MSI2: variants seen among roughly 807,000 people sequenced by gnomAD.
The protein encoded by MSI2 is RNA-binding protein Musashi homolog 2.
In MSI2, 17 loss-of-function variants were observed where a neutral mutation model predicts 45.6. That is an observed-to-expected ratio of 0.37 (90% CI 0.26 to 0.56). MSI2 has a LOEUF of 0.56. Among genes scored for constraint, MSI2 ranks in the 20% least tolerant of loss-of-function variants. MSI2 has a pLI of 0.77. For missense variants in MSI2, 293 were observed against 444.2 expected (o/e 0.66, Z 3.06); for synonymous variants, 156 against 158.2 (o/e 0.99, Z 0.11).
At chr17:57,600,042 GC>G in intron 8 of MSI2, among the ~76,000 whole-genome samples, 1 of 152,218 alleles carries the variant, frequency 6.6e-6, no homozygotes, top group South Asian at 2.1e-4. Flanking sequence ...TGGTAGAGAA[GC>G]CTGCATCCTG....
chr17:57,342,334 G>A (rs933057306), intron 5 of MSI2, among the ~76,000 whole-genome samples: 7 of 152,210 alleles, frequency 4.6e-5, no homozygotes, highest in Non-Finnish European at 1.0e-4. Context: ...CTGGTTGAAC[G>A]CTCTGAGAGG....
At position 57,684,490 on chromosome 17, in the gene MSI2, G is replaced by T. The variant is rs1020899583; in HGVS notation, c.*4973G>T. ...AAGCATCTTTCAGGTCTTTGTGTGTGGCTTTCTTAAAGCCCTGTTGTAAAA... is the reference window on the plus strand; with the variant it reads ...AAGCATCTTTCAGGTCTTTGTGTGTTGCTTTCTTAAAGCCCTGTTGTAAAA... On this transcript the variant is annotated 3_prime_UTR_variant, in exon 14 of 14. Coordinates refer to ENST00000284073, the MANE Select transcript of MSI2 (RefSeq NM_138962.4). The T allele has an allele frequency of 2.3e-5, 4 of 173,092 alleles. No homozygotes were observed. Among genetic ancestry groups the T allele is most frequent in the Non-Finnish European group, 5.0e-5 (4 of 80,332 alleles). 10.7% of individuals were successfully genotyped at this position (173,092 alleles called of 1,614,324 possible).
chr17:57,651,828 T>C (rs1212494957), intron 10 of MSI2, among the ~76,000 whole-genome samples: 1 of 152,192 alleles, frequency 6.6e-6, no homozygotes, highest in East Asian at 1.9e-4. Flanking sequence ...AAAAAATTCC[T>C]CCTACAATTC....
At chr17:57,496,742 A>C (rs2085988138) in intron 6 of MSI2, among the ~76,000 whole-genome samples, 1 of 152,244 alleles carries the variant, frequency 6.6e-6, no homozygotes, top group African/African-American at 2.4e-5. Flanking sequence ...GGTGGGAACA[A>C]GACAGTTCAG....
chr17:57,677,101 T>C, intron 13 of MSI2, 42 bp downstream of exon 13: 1 of 1,372,334 alleles, frequency 7.3e-7, no homozygotes, highest in Non-Finnish European at 1.0e-6. Context: ...TGCCGGTGTG[T>C]CCGTACATGT....
intron 10 of MSI2, chr17:57,631,696 T>C: frequency 9.6e-7 from 1 of 1,047,032 alleles, no homozygotes; most frequent in Non-Finnish European, 1.4e-6. Context: ...TTATGGGTTG[T>C]GATCAGGGAT....
rs114942727 is a variant in MSI2 at position 57,336,235 on chromosome 17, G to C, written c.313-65144G>C. Among the ~76,000 whole-genome samples, 388 of 152,284 alleles carry C rather than the reference G, an allele frequency of 2.5e-3. 2 individuals are homozygous for C. The highest frequency in any genetic ancestry group is 8.8e-3 in the African/African-American group (365 of 41,554). ...GGGATCTGCTGAAGACTGGGATGTAGGAAGTTCTGGGAAAGGACTATTAAG... is the reference window on the plus strand; with the variant it reads ...GGGATCTGCTGAAGACTGGGATGTACGAAGTTCTGGGAAAGGACTATTAAG... On this transcript the variant is annotated intron_variant, in intron 5 of 13. Transcript: ENST00000284073.
intron 5 of MSI2, among the ~76,000 whole-genome samples, chr17:57,337,478 C>T (rs145124925): frequency 4.6e-4 from 70 of 152,242 alleles, no homozygotes; most frequent in African/African-American, 1.5e-3. Context: ...GCCTTCACGG[C>T]TGGGTGTCTC....
chr17:57,521,958 G>A (rs1156987404), intron 6 of MSI2, among the ~76,000 whole-genome samples: 1 of 152,202 alleles, frequency 6.6e-6, no homozygotes, highest in Non-Finnish European at 1.5e-5. Flanking sequence ...TTCAAGGCCA[G>A]AGCACACGGA....
Position 57,258,366 on chromosome 17 carries a change from T to TTTG in MSI2, c.270+24_270+26dup, listed in dbSNP as rs775394282. 6.2e-7 allele frequency: 1 copy of TTTG among 1,608,792 alleles called. No homozygotes were observed. Among genetic ancestry groups the TTTG allele is most frequent in the Admixed American group, 1.7e-5 (1 of 59,994 alleles). ...TAGATTCCAAGACGGTAGGTTGCTT[T>TTTG]TTGTTGTTGTTGTTCGCCCCTTTTC... is the stretch of plus-strand genomic sequence containing the variant. On this transcript the variant is annotated intron_variant, in intron 4 of 13. Coordinates refer to ENST00000284073, the MANE Select transcript of MSI2 (RefSeq NM_138962.4).
At chr17:57,604,586 C>G (rs1396154108) in intron 8 of MSI2, among the ~76,000 whole-genome samples, 2 of 152,172 alleles carry the variant, frequency 1.3e-5, no homozygotes, top group African/African-American at 4.8e-5. Context: ...TCCCACTCTT[C>G]ACCTGACTCA....
chr17:57,435,686 C>G (rs1162821294), intron 6 of MSI2, among the ~76,000 whole-genome samples: 1 of 151,900 alleles, frequency 6.6e-6, no homozygotes, highest in Admixed American at 6.5e-5. Flanking sequence ...CTAAAGAGAC[C>G]TCCCCAGCCA....
chr17:57,603,404 C>A (rs1906139475), intron 8 of MSI2, among the ~76,000 whole-genome samples: 1 of 152,240 alleles, frequency 6.6e-6, no homozygotes, highest in South Asian at 2.1e-4. Context: ...AGGTCCACCG[C>A]TGGTGATTCT....
chr17:57,592,433 C>T (rs1365251388), intron 7 of MSI2, among the ~76,000 whole-genome samples: 2 of 152,150 alleles, frequency 1.3e-5, no homozygotes, highest in African/African-American at 4.8e-5. Flanking sequence ...TAAGGAATAA[C>T]ACTTATTGAT....
At chr17:57,258,619 G>A (rs1907034418) in intron 4 of MSI2, among the ~76,000 whole-genome samples, 1 of 152,182 alleles carries the variant, frequency 6.6e-6, no homozygotes, top group African/African-American at 2.4e-5. Flanking sequence ...CTGCCTTCCC[G>A]GCCTGGGGAC....
At chr17:57,408,491 G>A (rs1484022475) in intron 6 of MSI2, among the ~76,000 whole-genome samples, 3 of 151,328 alleles carry the variant, frequency 2.0e-5, no homozygotes, top group Non-Finnish European at 4.4e-5. Context: ...GCATTTCCTG[G>A]TATGATTTAG....
intron 7 of MSI2, among the ~76,000 whole-genome samples, chr17:57,558,076 T>G (rs551361318): frequency 6.6e-6 from 1 of 152,278 alleles, no homozygotes; most frequent in Admixed American, 6.5e-5. Flanking sequence ...CTGAGAGTGC[T>G]CAAGACGGAG....
At chr17:57,519,630 G>A (rs9892346) in intron 6 of MSI2, among the ~76,000 whole-genome samples, 32,363 of 152,016 alleles carry the variant, frequency 0.21, 3,882 homozygotes, top group African/African-American at 0.33. Flanking sequence ...CGAGCCTACC[G>A]GGGCAATATA....
chr17:57,583,484 G>GTTTT (rs2088258122), intron 7 of MSI2, among the ~76,000 whole-genome samples: 2 of 83,218 alleles, frequency 2.4e-5, no homozygotes, highest in East Asian at 3.5e-4. Flanking sequence ...TTCTCCCAAT[G>GTTTT]TTTCTTTTTT....
Sources: allele counts gnomAD v4.1 joint callset (sites outside exome capture counted in the v4.1 genomes callset), GRCh38; gene constraint gnomAD v4.1.1; transcripts MANE v1.5; gene names NCBI Gene and HGNC (gene_info 2026-07-23, HGNC 2026-07-21).